Variants in OR6Y1 observed in about 807,000 individuals in gnomAD.
The protein encoded by OR6Y1 is olfactory receptor 6Y1.
A neutral mutation model predicts 0.4 loss-of-function variants in OR6Y1; 1 was observed. The ratio of observed to expected loss-of-function variants is 2.74; its 90% CI spans 0.97 to 13.02. OR6Y1 has a LOEUF of 13.02. OR6Y1 is among the 30% of genes most tolerant of loss of function. OR6Y1 has a pLI of 0.12. For missense variants in OR6Y1, 480 were observed against 399.8 expected, an observed-to-expected ratio of 1.20 and a Z score of -1.71; for synonymous variants, 173 against 141.1, an observed-to-expected ratio of 1.23 and a Z score of -1.60.
chr1:158,553,432 C>T (rs1647750481), intron 1 of OR6Y1, among the ~76,000 whole-genome samples: 1 of 152,088 alleles, frequency 6.6e-6, no homozygotes, highest in African/African-American at 2.4e-5. Context: ...ATGTTCCCAA[C>T]ACTAAGCAAT....
chr1:158,547,704 T>C lies in OR6Y1; in HGVS notation c.402A>G (p.Pro134=), dbSNP rs1179403278. The C allele has an allele frequency of 8.1e-6, 13 of 1,613,402 alleles. No homozygotes were observed. The Admixed American group carries it at 2.2e-4, about 27-fold the overall frequency. Residue 134 remains proline (P), a synonymous_variant, in exon 2 of 2, where the codon CCA becomes CCG. Transcript: ENST00000641622. ...TGGTCATGATGACTGGGTAGCGTAG[T>C]GGATTACAAATGGCTACATAGCGGT... ...AFDRYVAICN[P]LRYPVIMTNQ...
chr1:158,548,329 A>G lies in OR6Y1; in HGVS notation c.-224T>C, dbSNP rs116660032. The G allele has an allele frequency of 0.018, 9,473 of 516,934 alleles. 145 individuals are homozygous for G. The highest frequency in any genetic ancestry group is 0.025 in the Non-Finnish European group (7,242 of 294,746). 32.0% of individuals were successfully genotyped at this position (516,934 alleles called of 1,614,324 possible). On this transcript the variant is annotated 5_prime_UTR_variant, in exon 2 of 2. Transcript: ENST00000641622. ...CTTGTTTTCAGATTTTCTCAAGAGC[A>G]GTAACTTGTCCAAGGTCATACAAAA...
chr1:158,547,457 A>G lies in OR6Y1; in HGVS notation c.649T>C (p.Cys217Arg), dbSNP rs1301141288. 2 of 1,613,468 alleles carry G rather than the reference A, an allele frequency of 1.2e-6. No individual in the cohort carries two copies. Among genetic ancestry groups the G allele is most frequent in the Admixed American group, 3.3e-5 (2 of 59,958 alleles). ...LALMVIAIPL[C>R]VVVASYAAIL... is the part of the protein sequence containing the mutation. ...GCAGCGTAGGATGCCACCACAACAC[A>G]AAGAGGAATAGCAATGACCATGAGG... is the stretch of plus-strand genomic sequence containing the variant. The change falls in exon 2 of 2, where the codon TGT becomes CGT. Residue 217 changes from cysteine (C) to arginine (R), a missense_variant. Coordinates refer to ENST00000641622, the MANE Select transcript of OR6Y1 (RefSeq NM_001005189.2).
At position 158,546,400 on chromosome 1, in the gene OR6Y1, G is replaced by T. The variant is rs1369871842; in HGVS notation, c.*728C>A. Reference sequence around the variant, plus strand: ...AATTTTTATAAGTTTATTTTAAAGTGTTTTTTAATATTTAAGGTTGGTATA... The same window carrying T: ...AATTTTTATAAGTTTATTTTAAAGTTTTTTTTAATATTTAAGGTTGGTATA... On this transcript the variant is annotated 3_prime_UTR_variant, in exon 2 of 2. Coordinates refer to ENST00000641622, the MANE Select transcript of OR6Y1 (RefSeq NM_001005189.2). 1 of 152,008 alleles carries T rather than the reference G, an allele frequency of 6.6e-6. No homozygotes were observed. The highest frequency in any genetic ancestry group is 1.5e-5 in the Non-Finnish European group (1 of 67,996). The allele number at this position is 152,008 out of a possible 1,614,324, so 9.4% of individuals were successfully genotyped here. A position where few individuals can be genotyped will look rare whatever the true frequency, so the allele number is the denominator to read the frequency against.
chr1:158,548,081 C>T lies in OR6Y1; in HGVS notation c.25G>A (p.Asp9Asn). The T allele has an allele frequency of 6.2e-7, 1 of 1,612,936 alleles. No individual in the cohort carries two copies. ...AAACGTGTTGTCACTGTATGATTAT[C>T]TACTTCCAGAATTATGGTGGTCATG... MTTIILEV[D>N]NHTVTTRFIL... Residue 9 changes from aspartate (D) to asparagine (N), a missense_variant, in exon 2 of 2, where the codon GAT (aspartate) becomes AAT (asparagine). Asp to Asn is a conservative substitution (Grantham distance 23). Coordinates refer to ENST00000641622, the MANE Select transcript of OR6Y1 (RefSeq NM_001005189.2).
chr1:158,552,135 C>A (rs1343413511), intron 1 of OR6Y1, among the ~76,000 whole-genome samples: 1 of 151,500 alleles, frequency 6.6e-6, no homozygotes, highest in Non-Finnish European at 1.5e-5. Context: ...CATTAAACCT[C>A]CAATTGCCCC....
chr1:158,547,979 T>C lies in OR6Y1; in HGVS notation c.127A>G (p.Thr43Ala). 1 of 1,613,486 alleles carries C rather than the reference T, an allele frequency of 6.2e-7. No individual in the cohort carries two copies. Among genetic ancestry groups the C allele is most frequent in the Non-Finnish European group, 8.5e-7 (1 of 1,179,976 alleles). ...ATGATAAGAAGATTCTCCAGCAGTG[T>C]CAGCAGATAGGTTGCCAGGAAAATG... The part of the protein sequence containing the change: ...FSIFLATYLL[T>A]LLENLLIILA... The change falls in exon 2 of 2, where the codon ACA (threonine) becomes GCA (alanine). Residue 43 changes from threonine to alanine, a missense_variant. Thr to Ala is a moderately conservative substitution (Grantham distance 58). Transcript: ENST00000641622.
chr1:158,554,208 A>G (rs963467620), intron 1 of OR6Y1, 58 bp downstream of exon 1: 1 of 152,248 alleles, frequency 6.6e-6, no homozygotes, highest in Admixed American at 6.5e-5. Context: ...AAAATAAATA[A>G]TTAAAAGATG....
chr1:158,550,708 T>A (rs897643534), intron 1 of OR6Y1, among the ~76,000 whole-genome samples: 4 of 151,824 alleles, frequency 2.6e-5, no homozygotes, highest in Non-Finnish European at 5.9e-5. Flanking sequence ...GGCTAGATTG[T>A]CTGAGTCACA....
chr1:158,547,661 G>C lies in OR6Y1; in HGVS notation c.445C>G (p.Leu149Val). ...CCACAGAACCAGCATCCTCCAGCCA[G>C]TGTGCCACAGAGCTGGTTGGTCATG... ...VIMTNQLCGT[L>V]AGGCWFCGLM... Residue 149 changes from leucine to valine, a missense_variant, in exon 2 of 2, where the codon CTG (leucine) becomes GTG (valine). Physicochemically the swap from Leu to Val is conservative, Grantham distance 32 (BLOSUM62 1). Transcript: ENST00000641622. 1.2e-6 allele frequency: 2 copies of C among 1,613,574 alleles called. No homozygotes were observed. Among genetic ancestry groups the C allele is most frequent in the Non-Finnish European group, 1.7e-6 (2 of 1,179,988 alleles).
Position 158,547,617 on chromosome 1 carries a change from A to T in OR6Y1, c.489T>A (p.Ile163=). 6.2e-7 allele frequency: 1 copy of T among 1,613,292 alleles called. No homozygotes were observed. Among genetic ancestry groups the T allele is most frequent in the Non-Finnish European group, 8.5e-7 (1 of 1,179,914 alleles). The change falls in exon 2 of 2, where the codon ATT becomes ATA. Residue 163 remains isoleucine (I), a synonymous_variant. Coordinates refer to ENST00000641622, the MANE Select transcript of OR6Y1 (RefSeq NM_001005189.2). ...GAAGTTGTGCTATAAAAACCATCTT[A>T]ATCATGGCAGTCATGAGTCCACAGA... ...CWFCGLMTAM[I]KMVFIAQLHY... is the part of the protein sequence containing the mutation.
chr1:158,547,675 T>C lies in OR6Y1; in HGVS notation c.431A>G (p.Gln144Arg). 1 of 1,613,468 alleles carries C rather than the reference T, an allele frequency of 6.2e-7. No individual in the cohort carries two copies. Among genetic ancestry groups the C allele is most frequent in the South Asian group, 1.1e-5 (1 of 91,082 alleles). ...TCCTCCAGCCAGTGTGCCACAGAGC[T>C]GGTTGGTCATGATGACTGGGTAGCG... ...PLRYPVIMTN[Q>R]LCGTLAGGCW... is the part of the protein sequence containing the mutation. Residue 144 changes from glutamine to arginine, a missense_variant, in exon 2 of 2, where the codon CAG (glutamine) becomes CGG (arginine). Gln to Arg is a conservative substitution (Grantham distance 43). Coordinates refer to ENST00000641622, the MANE Select transcript of OR6Y1 (RefSeq NM_001005189.2).
rs2101706280 is a variant in OR6Y1 at position 158,546,003 on chromosome 1, C to T, written c.*1125G>A. 1 of 152,372 alleles carries T rather than the reference C, an allele frequency of 6.6e-6. No homozygotes were observed. Among genetic ancestry groups the T allele is most frequent in the East Asian group, 1.9e-4 (1 of 5,184 alleles). The allele number at this position is 152,372 out of a possible 1,614,324, so 9.4% of individuals were successfully genotyped here. A position where few individuals can be genotyped will look rare whatever the true frequency, so the allele number is the denominator to read the frequency against. ...AGCTCTAGGCTAACATCCTTCCTTG[C>T]TGCTTCTAGCTTCTGGTGTTTGCCA... On this transcript the variant is annotated 3_prime_UTR_variant, in exon 2 of 2. Coordinates refer to ENST00000641622, the MANE Select transcript of OR6Y1 (RefSeq NM_001005189.2).
Position 158,551,767 on chromosome 1 carries a change from A to ACACACAC in OR6Y1, c.-1432-2231_-1432-2230insGTGTGTG, listed in dbSNP as rs34986210. ...TTACACACACACACACACACACACA[A>ACACACAC]ACACACATTGCTAAACAAGTAGAAT... On this transcript the variant is annotated intron_variant, in intron 1 of 1. Coordinates refer to ENST00000641622, the MANE Select transcript of OR6Y1 (RefSeq NM_001005189.2). Among the ~76,000 whole-genome samples, 199 of 109,210 alleles carry ACACACAC rather than the reference A, an allele frequency of 1.8e-3. 1 individual carries two copies. The highest frequency in any genetic ancestry group is 3.1e-3 in the Non-Finnish European group (169 of 53,770). The allele number at this position is 109,210 out of a possible 152,430, so 71.6% of individuals were successfully genotyped here.
Position 158,549,419 on chromosome 1 carries a change from G to A in OR6Y1, c.-1314C>T, listed in dbSNP as rs1647640431. 7.4e-6 allele frequency: 1 copy of A among 135,436 alleles called. No homozygotes were observed. The highest frequency in any genetic ancestry group is 1.5e-5 in the Non-Finnish European group (1 of 64,742). 8.4% of individuals were successfully genotyped at this position (135,436 alleles called of 1,614,324 possible). A position where few individuals can be genotyped will look rare whatever the true frequency, so the allele number is the denominator to read the frequency against. ...CTCTATTTTATGGCATAAATATGTA[G>A]GACAACTAGGGGATGGTTTTTTTTT... On this transcript the variant is annotated 5_prime_UTR_variant, in exon 2 of 2. Coordinates refer to ENST00000641622, the MANE Select transcript of OR6Y1 (RefSeq NM_001005189.2).
At position 158,545,297 on chromosome 1, in the gene OR6Y1, A is replaced by G. The variant is rs1021774028; in HGVS notation, c.*1831T>C. 4 of 134,650 alleles carry G rather than the reference A, an allele frequency of 3.0e-5. No individual in the cohort carries two copies. Among genetic ancestry groups the G allele is most frequent in the Non-Finnish European group, 6.2e-5 (4 of 64,488 alleles). 8.3% of individuals were successfully genotyped at this position (134,650 alleles called of 1,614,324 possible). On this transcript the variant is annotated 3_prime_UTR_variant, in exon 2 of 2. Transcript: ENST00000641622. ...CCAGTTAGAATGGCTATTATTATGG[A>G]CACAGGAACATCACACTCCGGGGAA...
intron 1 of OR6Y1, among the ~76,000 whole-genome samples, chr1:158,552,229 G>T (rs978686784): frequency 3.2e-5 from 4 of 125,222 alleles, no homozygotes; most frequent in South Asian, 5.0e-4. Context: ...TATGTATGGA[G>T]ATATATATAT....
At chr1:158,552,245 T>C (rs868819263) in intron 1 of OR6Y1, among the ~76,000 whole-genome samples, 1,678 of 126,044 alleles carry the variant, frequency 0.013, 29 homozygotes, top group African/African-American at 0.044. Flanking sequence ...TATATGTATA[T>C]ATATATATAT....
At chr1:158,553,953 T>C (rs539318783) in intron 1 of OR6Y1, among the ~76,000 whole-genome samples, 1 of 152,274 alleles carries the variant, frequency 6.6e-6, no homozygotes, top group African/African-American at 2.4e-5. Flanking sequence ...CATATTACAC[T>C]ACATTTCTGA....
Sources: gnomAD v4.1 joint callset for allele counts (sites outside exome capture counted in the v4.1 genomes callset) on GRCh38, gnomAD v4.1.1 for gene constraint, MANE v1.5 for transcripts, NCBI Gene and HGNC (gene_info 2026-07-23, HGNC 2026-07-21) for gene names.